THEM6: variants seen among roughly 807,000 people sequenced by gnomAD.
THEM6 encodes protein THEM6.
A neutral mutation model predicts 13.7 loss-of-function variants in THEM6; 10 were observed. The observed-to-expected ratio is 0.73, with a 90% CI of 0.45 to 1.24. THEM6 has a LOEUF of 1.24. THEM6 is among the 50% of genes most tolerant of loss of function. The pLI, the probability that THEM6 is intolerant of heterozygous loss-of-function variation, is 0.00. For synonymous variants in THEM6, 161 were observed against 156.0 expected (o/e 1.03, Z -0.24); for missense variants, 317 against 312.6 (o/e 1.01, Z -0.11).
In THEM6 at chr8:142,735,768, C is replaced by G; in HGVS notation, c.*329C>G. The G allele has an allele frequency of 3.2e-6, 1 of 309,344 alleles. No homozygotes were observed. The allele number at this position is 309,344 out of a possible 1,614,324, so 19.2% of individuals were successfully genotyped here. A position where few individuals can be genotyped will look rare whatever the true frequency, so the allele number is the denominator to read the frequency against. The stretch of plus-strand genomic sequence containing the variant: ...GGATGGTGCCTGGAGCAGAGGGACC[C>G]ACAAGTGCCTCCCGAGCCTAGATCC... On this transcript the variant is annotated 3_prime_UTR_variant, in exon 2 of 2. Transcript: ENST00000336138.
intron 1 of THEM6, among the ~76,000 whole-genome samples, chr8:142,733,063 C>T (rs1191578514): frequency 1.3e-5 from 2 of 152,242 alleles, no homozygotes; most frequent in South Asian, 2.1e-4. Context: ...CGCGTCCACC[C>T]TATTGCCGTC....
Position 142,727,526 on chromosome 8 carries a change from C to T in THEM6, c.180C>T (p.Asp60=). The change falls in exon 1 of 2, where the codon GAC becomes GAT. Residue 60 remains aspartate, a synonymous_variant. Transcript: ENST00000336138. ...GCCGCGTGCTGCCCTCGGACTTGGA[C>T]CTGCTGCTGCACATGAACAACGCGC... ...FPGRVLPSDL[D]LLLHMNNARY... is the part of the protein sequence containing the mutation. 4 of 1,579,034 alleles carry T rather than the reference C, an allele frequency of 2.5e-6. No homozygotes were observed. Among genetic ancestry groups the T allele is most frequent in the Non-Finnish European group, 3.4e-6 (4 of 1,171,020 alleles).
rs1270986079 is a variant in THEM6, at chr8:142,727,706, C to T, written c.360C>T (p.Arg120=). The change falls in exon 1 of 2, where the codon CGC becomes CGT. Residue 120 remains arginine (R), a synonymous_variant. Transcript: ENST00000336138. ...GCCTGCTGGAGCCCTTCGAGGTGCGCACCCGCCTGCTGGGCTGGGACGACC... is the reference window on the plus strand; with the variant it reads ...GCCTGCTGGAGCCCTTCGAGGTGCGTACCCGCCTGCTGGGCTGGGACGACC... ...SLRLLEPFEV[R]TRLLGWDDRA... is the part of the protein sequence containing the mutation. The T allele has an allele frequency of 7.0e-6, 10 of 1,431,494 alleles. No individual in the cohort carries two copies. In the South Asian group the frequency reaches 8.7e-5, roughly 13 times the overall value. The allele number at this position is 1,431,494 out of a possible 1,614,324, so 88.7% of individuals were successfully genotyped here.
chr8:142,735,297 G>A, intron 1 of THEM6, 29 bp from the exon 2 acceptor site: 2 of 1,512,136 alleles, frequency 1.3e-6, no homozygotes, highest in Non-Finnish European at 1.8e-6. Flanking sequence ...CCGTAGCTTA[G>A]CTGGGTGTCC....
chr8:142,729,857 C>A (rs1815605417), intron 1 of THEM6, among the ~76,000 whole-genome samples: 1 of 152,104 alleles, frequency 6.6e-6, no homozygotes, highest in African/African-American at 2.4e-5. Context: ...GTGTATAGTC[C>A]CGTTTACTAC....
intron 1 of THEM6, among the ~76,000 whole-genome samples, chr8:142,732,095 G>T (rs11780127): frequency 0.23 from 33,236 of 141,858 alleles, 4,668 homozygotes; most frequent in Admixed American, 0.33. Context: ...TCCCCTGGGG[G>T]ACCAACCAGC....
chr8:142,727,965 C>T (rs1815549846), intron 1 of THEM6, 106 bp downstream of exon 1: 6 of 1,264,742 alleles, frequency 4.7e-6, no homozygotes, highest in Non-Finnish European at 6.1e-6. Context: ...CTGCCTGCAC[C>T]TCTTTCGGAT....
At chr8:142,729,137 A>G (rs1025489667) in intron 1 of THEM6, among the ~76,000 whole-genome samples, 4 of 152,046 alleles carry the variant, frequency 2.6e-5, no homozygotes, top group Non-Finnish European at 5.9e-5. Flanking sequence ...ACGGGGTTTC[A>G]AAATCAGGAA....
intron 1 of THEM6, 23 bp from the exon 2 acceptor site, chr8:142,735,303 T>G (rs771852826): frequency 6.6e-7 from 1 of 1,523,966 alleles, no homozygotes; most frequent in South Asian, 1.2e-5. Context: ...CTTAGCTGGG[T>G]GTCCCCTTTC....
intron 1 of THEM6, 140 bp downstream of exon 1, chr8:142,727,999 C>T (rs1475775903): frequency 3.2e-6 from 3 of 948,900 alleles, no homozygotes; most frequent in Non-Finnish European, 4.3e-6. Flanking sequence ...TGCCTCTTAC[C>T]GCTCCCGCCC....
chr8:142,727,762 G>T lies in THEM6; in HGVS notation c.416G>T (p.Ser139Ile), dbSNP rs1554642524. 1 of 1,455,560 alleles carries T rather than the reference G, an allele frequency of 6.9e-7. No individual in the cohort carries two copies. 90.2% of individuals were successfully genotyped at this position (1,455,560 alleles called of 1,614,324 possible). A position where few individuals can be genotyped will look rare whatever the true frequency, so the allele number is the denominator to read the frequency against. Residue 139 changes from serine (S) to isoleucine (I), a missense_variant, in exon 1 of 2, where the codon AGC (serine) becomes ATC (isoleucine). Ser to Ile is a moderately radical substitution (Grantham distance 142). Transcript: ENST00000336138. ...TTCTACCTGGAGGCGCGCTTTGTCA[G>T]CCTGCGGGACGGCTTCGTGTGCGCG... ...RAFYLEARFV[S>I]LRDGFVCALL...
At chr8:142,734,319 C>T (rs587734374) in intron 1 of THEM6, among the ~76,000 whole-genome samples, 1 of 152,346 alleles carries the variant, frequency 6.6e-6, no homozygotes, top group African/African-American at 2.4e-5. Flanking sequence ...GCAAAGGCCA[C>T]CAAGGCTGAG....
Position 142,730,070 on chromosome 8 carries a change from A to G in THEM6, c.513+2211A>G, listed in dbSNP as rs191981617. 4.5e-4 allele frequency among the ~76,000 whole-genome samples: 69 copies of G among 152,376 alleles called. 1 individual carries two copies. In the East Asian group the frequency reaches 9.2e-3, roughly 20 times the overall value. On this transcript the variant is annotated intron_variant, in intron 1 of 1. Coordinates refer to ENST00000336138, the MANE Select transcript of THEM6 (RefSeq NM_016647.3). ...CGGTGGTCTGAGGTGAGTTAGTTAC[A>G]GTAATAACAAAGGCGCTAGTAACAA...
At chr8:142,732,623 G>GCTTCTGTGGCTTCTCCTTCCTTGGT (rs1815674580) in intron 1 of THEM6, among the ~76,000 whole-genome samples, 1 of 151,804 alleles carries the variant, frequency 6.6e-6, no homozygotes, top group South Asian at 2.1e-4. Flanking sequence ...TACTTTACCA[G>GCTTCTGTGGCTTCTCCTTCCTTGGT]CTTCTGTGGC....
chr8:142,729,430 A>C (rs1815597254), intron 1 of THEM6, among the ~76,000 whole-genome samples: 1 of 152,214 alleles, frequency 6.6e-6, no homozygotes, highest in African/African-American at 2.4e-5. Context: ...TAAAGTGCGA[A>C]CGGAATATTT....
At chr8:142,731,668 C>G (rs886953504) in intron 1 of THEM6, among the ~76,000 whole-genome samples, 3 of 152,180 alleles carry the variant, frequency 2.0e-5, no homozygotes, top group Non-Finnish European at 2.9e-5. Context: ...TCTCTCTCTT[C>G]ACTCTCTTCA....
intron 1 of THEM6, among the ~76,000 whole-genome samples, chr8:142,732,313 T>A (rs1815667139): frequency 6.7e-6 from 1 of 150,268 alleles, no homozygotes; most frequent in Non-Finnish European, 1.5e-5. Flanking sequence ...GAGGTTGACC[T>A]GTTTCCTCCT....
Position 142,735,462 on chromosome 8 carries a change from C to T in THEM6, c.*23C>T, listed in dbSNP as rs1191222769. 1.0e-5 allele frequency: 16 copies of T among 1,524,688 alleles called. No individual in the cohort carries two copies. The highest frequency in any genetic ancestry group is 1.3e-5 in the Non-Finnish European group (15 of 1,122,712). The allele number at this position is 1,524,688 out of a possible 1,614,324, so 94.4% of individuals were successfully genotyped here. A position where few individuals can be genotyped will look rare whatever the true frequency, so the allele number is the denominator to read the frequency against. On this transcript the variant is annotated 3_prime_UTR_variant, in exon 2 of 2. Transcript: ENST00000336138. Reference sequence around the variant, plus strand: ...TGACCGCCACCTTCACACCGTCTGCCCTGGCCACCATCCTGGGCCTGGGGG... The same window carrying T: ...TGACCGCCACCTTCACACCGTCTGCTCTGGCCACCATCCTGGGCCTGGGGG...
rs1815774528 is a variant in THEM6 at position 142,736,540 on chromosome 8, T to C, written c.*1101T>C. ...GGGCCACCCCCTCCTGCCTAATGCC[T>C]CACCTTACAGCTGGGGAAACTGAGG... On this transcript the variant is annotated 3_prime_UTR_variant, in exon 2 of 2. Transcript: ENST00000336138. 1 of 152,282 alleles carries C rather than the reference T, an allele frequency of 6.6e-6. No individual in the cohort carries two copies. Among genetic ancestry groups the C allele is most frequent in the South Asian group, 2.1e-4 (1 of 4,834 alleles). The allele number at this position is 152,282 out of a possible 1,614,324, so 9.4% of individuals were successfully genotyped here.
Sources: allele counts gnomAD v4.1 joint callset (sites outside exome capture counted in the v4.1 genomes callset), GRCh38; gene constraint gnomAD v4.1.1; transcripts MANE v1.5; gene names NCBI Gene and HGNC (gene_info 2026-07-23, HGNC 2026-07-21).